Variants in KCNIP4 observed in about 807,000 individuals in gnomAD.
KCNIP4 encodes the protein potassium voltage-gated channel interacting protein 4, also known as Kv channel-interacting protein 4.
In KCNIP4, 12 loss-of-function variants were observed where a neutral mutation model predicts 34.0. That is an observed-to-expected ratio of 0.35 (90% CI 0.23 to 0.57). The LOEUF (loss-of-function observed/expected upper bound fraction) is 0.57. Ranked by LOEUF, KCNIP4 falls within the 20% of genes least tolerant of loss-of-function variation. The pLI is 0.83. For missense variants in KCNIP4, 238 were observed against 311.7 expected, an observed-to-expected ratio of 0.76 and a Z score of 1.78; for synonymous variants, 124 against 102.2, an observed-to-expected ratio of 1.21 and a Z score of -1.29.
At position 20,732,086 on chromosome 4, in the gene KCNIP4, A is replaced by C; in HGVS notation, c.643-18T>G. 1 of 1,458,010 alleles carries C rather than the reference A, an allele frequency of 6.9e-7. No homozygotes were observed. Among genetic ancestry groups the C allele is most frequent in the Non-Finnish European group, 9.2e-7 (1 of 1,091,644 alleles). 90.3% of individuals were successfully genotyped at this position (1,458,010 alleles called of 1,614,324 possible). A position where few individuals can be genotyped will look rare whatever the true frequency, so the allele number is the denominator to read the frequency against. On this transcript the variant is annotated intron_variant, in intron 7 of 8. Transcript: ENST00000382152. The stretch of plus-strand genomic sequence containing the variant: ...TCCATTTTCTGTTCAGGAAGAAAAC[A>C]AAAATTGTATTTAGACTTATCCCTT...
intron 1 of KCNIP4, among the ~76,000 whole-genome samples, chr4:21,904,051 T>C (rs1727855935): frequency 6.6e-6 from 1 of 152,164 alleles, no homozygotes. Flanking sequence ...CTTTCACCTT[T>C]AGGAATTACA....
At chr4:20,953,369 G>C (rs1732978931) in intron 1 of KCNIP4, among the ~76,000 whole-genome samples, 2 of 152,126 alleles carry the variant, frequency 1.3e-5, no homozygotes, top group Non-Finnish European at 2.9e-5. Context: ...ACCTAGCACA[G>C]TGCATAATAT....
At chr4:21,812,538 GT>G (rs1407286888) in intron 1 of KCNIP4, among the ~76,000 whole-genome samples, 1 of 152,176 alleles carries the variant, frequency 6.6e-6, no homozygotes, top group Non-Finnish European at 1.5e-5. Context: ...GTTATTAAAT[GT>G]CAGCATCCAT....
intron 1 of KCNIP4, among the ~76,000 whole-genome samples, chr4:21,342,749 C>G (rs1000058178): frequency 1.3e-5 from 2 of 152,086 alleles, no homozygotes; most frequent in Admixed American, 1.3e-4. Context: ...ATATCCCCTA[C>G]AGGAAAGAAA....
chr4:20,770,494 A>G, intron 3 of KCNIP4, among the ~76,000 whole-genome samples: 1 of 151,996 alleles, frequency 6.6e-6, no homozygotes, highest in Non-Finnish European at 1.5e-5. Flanking sequence ...AATACCGAGT[A>G]AAGAATTCTA....
Position 21,830,125 on chromosome 4 carries a change from C to T in KCNIP4, c.61+118446G>A, listed in dbSNP as rs368150738. ...GACTCACTTCATCTTTGAGGAAACA[C>T]AGGATAAATATTAAAGATGGAAAAA... On this transcript the variant is annotated intron_variant, in intron 1 of 8. Transcript: ENST00000382152. Among the ~76,000 whole-genome samples the T allele has an allele frequency of 3.9e-5, 6 of 151,972 alleles. No individual in the cohort carries two copies. The East Asian group carries it at 1.2e-3, about 29-fold the overall frequency.
intron 1 of KCNIP4, among the ~76,000 whole-genome samples, chr4:21,121,173 C>G (rs1233016479): frequency 6.6e-6 from 1 of 152,218 alleles, no homozygotes; most frequent in African/African-American, 2.4e-5. Flanking sequence ...CTATTCCAAT[C>G]CATACACAAC....
intron 1 of KCNIP4, among the ~76,000 whole-genome samples, chr4:21,295,791 A>G (rs559815164): frequency 6.6e-6 from 1 of 152,188 alleles, no homozygotes; most frequent in Non-Finnish European, 1.5e-5. Flanking sequence ...ATATATTCCT[A>G]TATATTCCTT....
rs1483447683 is a variant in KCNIP4 at position 21,757,231 on chromosome 4, GAAAGAAAGAAAGAAAGAAAAGAAAAGA to G, written c.61+191313_61+191339del. ...AGAAAGAAAGAAAGAAAGAAAGAAA[GAAAGAAAGAAAGAAAGAAAAGAAAAGA>G]AAAGAAAAGAAAAGAAAAGAAAAGA... On this transcript the variant is annotated intron_variant, in intron 1 of 8. Coordinates refer to ENST00000382152, the MANE Select transcript of KCNIP4 (RefSeq NM_025221.6). 7.5e-3 allele frequency among the ~76,000 whole-genome samples: 206 copies of G among 27,586 alleles called. 11 individuals carry two copies. The highest frequency in any genetic ancestry group is 0.029 in the Admixed American group (118 of 4,036). 18.1% of individuals were successfully genotyped at this position (27,586 alleles called of 152,430 possible).
chr4:21,809,913 A>G (rs374705975), intron 1 of KCNIP4, among the ~76,000 whole-genome samples: 4 of 152,298 alleles, frequency 2.6e-5, no homozygotes, highest in African/African-American at 9.6e-5. Context: ...GACATCCTAG[A>G]AAGAAGTAAG....
chr4:20,810,626 A>G (rs1042350872), intron 3 of KCNIP4, among the ~76,000 whole-genome samples: 2 of 152,178 alleles, frequency 1.3e-5, no homozygotes, highest in African/African-American at 4.8e-5. Flanking sequence ...TAGATATTAT[A>G]TCATCATCTC....
At chr4:21,501,530 A>G (rs1021251968) in intron 1 of KCNIP4, among the ~76,000 whole-genome samples, 2 of 152,072 alleles carry the variant, frequency 1.3e-5, no homozygotes, top group African/African-American at 4.8e-5. Flanking sequence ...CAAATTTCAC[A>G]TTTAGAAAAA....
chr4:21,918,527 C>T (rs1193856606), intron 1 of KCNIP4, among the ~76,000 whole-genome samples: 1 of 151,848 alleles, frequency 6.6e-6, no homozygotes, highest in African/African-American at 2.4e-5. Flanking sequence ...TGTGACACCC[C>T]CCTCCACTGA....
chr4:20,952,680 G>C (rs1370988005), intron 1 of KCNIP4, among the ~76,000 whole-genome samples: 1 of 152,148 alleles, frequency 6.6e-6, no homozygotes, highest in Non-Finnish European at 1.5e-5. Context: ...TTTCATGCCA[G>C]ATTTAAAAAA....
chr4:21,406,414 A>G (rs900960935), intron 1 of KCNIP4, among the ~76,000 whole-genome samples: 3 of 152,236 alleles, frequency 2.0e-5, no homozygotes, highest in African/African-American at 7.2e-5. Context: ...TAGCAGTGGC[A>G]TCAAACAGCA....
Position 20,732,696 on chromosome 4 carries a change from A to G in KCNIP4, c.627T>C (p.Val209=). 6.2e-7 allele frequency: 1 copy of G among 1,610,556 alleles called. No homozygotes were observed. The highest frequency in any genetic ancestry group is 8.5e-7 in the Non-Finnish European group (1 of 1,177,076). The change falls in exon 7 of 9, where the codon GTT becomes GTC. Residue 209 remains valine (V), a synonymous_variant. Transcript: ENST00000382152. ...VLKEDAPRQH[V]ETFFQKMDKN... is the part of the protein sequence containing the mutation. The stretch of plus-strand genomic sequence containing the variant: ...TAATTCCTACCTGAAAAAATGTTTC[A>G]ACGTGTTGTCTGGGAGCATCTTCTT...
intron 1 of KCNIP4, among the ~76,000 whole-genome samples, chr4:21,709,949 T>C (rs1409755932): frequency 6.6e-6 from 1 of 152,182 alleles, no homozygotes; most frequent in Non-Finnish European, 1.5e-5. Context: ...ACTGACATCA[T>C]ATAATGATAA....
chr4:21,065,349 A>G (rs1014521602), intron 1 of KCNIP4, among the ~76,000 whole-genome samples: 4 of 152,158 alleles, frequency 2.6e-5, no homozygotes, highest in African/African-American at 9.7e-5. Flanking sequence ...TTGAGAACCT[A>G]GATGTTGGCA....
chr4:21,701,212 C>T (rs1712808692), intron 1 of KCNIP4, among the ~76,000 whole-genome samples: 1 of 152,060 alleles, frequency 6.6e-6, no homozygotes, highest in African/African-American at 2.4e-5. Flanking sequence ...AAGTTGAACT[C>T]ATAGGAACAA....
Sources: gnomAD v4.1 joint callset for allele counts (sites outside exome capture counted in the v4.1 genomes callset) on GRCh38, gnomAD v4.1.1 for gene constraint, MANE v1.5 for transcripts, NCBI Gene and HGNC (gene_info 2026-07-23, HGNC 2026-07-21) for gene names.